The following KCNJ6 variants were observed in gnomAD, a reference collection of about 807,000 sequenced individuals.
KCNJ6 encodes the protein G protein-activated inward rectifier potassium channel 2.
Under a neutral mutation model 34.2 loss-of-function variants are expected in KCNJ6, and 9 were observed. The ratio of observed to expected loss-of-function variants is 0.26; its 90% CI spans 0.16 to 0.46. KCNJ6 has a LOEUF of 0.46. Among genes scored for constraint, KCNJ6 ranks in the 20% least tolerant of loss-of-function variants. KCNJ6 has a pLI of 1.00. For missense variants in KCNJ6, 236 were observed against 531.3 expected (o/e 0.44, Z 5.46); for synonymous variants, 196 against 207.1 (o/e 0.95, Z 0.46).
intron 1 of KCNJ6, among the ~76,000 whole-genome samples, chr21:37,866,071 G>T (rs2055621308): frequency 6.6e-6 from 1 of 152,196 alleles, no homozygotes; most frequent in African/African-American, 2.4e-5. Flanking sequence ...TTTAAATTAA[G>T]GGGAGGTTAT....
chr21:37,906,215 G>A (rs1335186108), intron 1 of KCNJ6, among the ~76,000 whole-genome samples: 1 of 152,218 alleles, frequency 6.6e-6, no homozygotes, highest in Non-Finnish European at 1.5e-5. Flanking sequence ...GTGTGATCAT[G>A]AGTATTTTTT....
At position 37,773,131 on chromosome 21, in the gene KCNJ6, T is replaced by C. The variant is rs188067361; in HGVS notation, c.26-58000A>G. ...GTATACAGTAGGTGCTAAATAACTG[T>C]TTGTGGATGATGATCCTTTTCCACT... On this transcript the variant is annotated intron_variant, in intron 2 of 3. Coordinates refer to ENST00000609713, the MANE Select transcript of KCNJ6 (RefSeq NM_002240.5). 5.9e-5 allele frequency among the ~76,000 whole-genome samples: 9 copies of C among 152,290 alleles called. No homozygotes were observed. The East Asian group carries it at 1.2e-3, about 20-fold the overall frequency.
intron 1 of KCNJ6, among the ~76,000 whole-genome samples, chr21:37,884,968 C>T (rs2055728136): frequency 6.6e-6 from 1 of 152,218 alleles, no homozygotes; most frequent in African/African-American, 2.4e-5. Flanking sequence ...TGGTCTAGAG[C>T]TTCTTGTTCT....
At chr21:37,881,474 AG>A (rs1220875128) in intron 1 of KCNJ6, among the ~76,000 whole-genome samples, 2 of 146,698 alleles carry the variant, frequency 1.4e-5, no homozygotes, top group African/African-American at 4.9e-5. Flanking sequence ...CTGCATGGAG[AG>A]AGAGAGAGAG....
At chr21:37,805,296 GA>G (rs1238999962) in intron 2 of KCNJ6, among the ~76,000 whole-genome samples, 5 of 151,826 alleles carry the variant, frequency 3.3e-5, no homozygotes, top group Admixed American at 2.0e-4. Flanking sequence ...AATTGTATGA[GA>G]AAAATATCAC....
At chr21:37,830,859 C>G (rs1036486267) in intron 2 of KCNJ6, among the ~76,000 whole-genome samples, 1 of 152,170 alleles carries the variant, frequency 6.6e-6, no homozygotes. Context: ...CATGTTTGTA[C>G]CAGTTAAATG....
intron 2 of KCNJ6, among the ~76,000 whole-genome samples, chr21:37,801,142 C>A (rs573936452): frequency 6.6e-6 from 1 of 152,250 alleles, no homozygotes; most frequent in East Asian, 1.9e-4. Context: ...ATTTTTGAAC[C>A]CAACCCTTTG....
rs2054466039 is a variant in KCNJ6 at position 37,656,732 on chromosome 21, T to C, written c.947-31248A>G. Among the ~76,000 whole-genome samples, 2 of 152,166 alleles carry C rather than the reference T, an allele frequency of 1.3e-5. 1 individual carries two copies. Among genetic ancestry groups the C allele is most frequent in the South Asian group, 4.1e-4 (2 of 4,828 alleles). On this transcript the variant is annotated intron_variant, in intron 3 of 3. Transcript: ENST00000609713. Reference sequence around the variant, plus strand: ...GGCTTGCCTTCTGTCAGGGACACTGTCCTCAAAACTTGAGGATGGAAGAGA... The same window carrying C: ...GGCTTGCCTTCTGTCAGGGACACTGCCCTCAAAACTTGAGGATGGAAGAGA...
intron 2 of KCNJ6, among the ~76,000 whole-genome samples, chr21:37,742,489 T>C (rs928216896): frequency 1.5e-5 from 2 of 133,698 alleles, no homozygotes; most frequent in African/African-American, 5.8e-5. Context: ...TGTAGAACAT[T>C]TTAATTAACC....
At position 37,904,297 on chromosome 21, in the gene KCNJ6, A is replaced by G. The variant is rs80018298; in HGVS notation, c.-28+11587T>C. ...CCAAGATAACCACTTTGTACTTCCC[A>G]TGAGAGCTGAATCTCACAAAAGACT... On this transcript the variant is annotated intron_variant, in intron 1 of 3. Coordinates refer to ENST00000609713, the MANE Select transcript of KCNJ6 (RefSeq NM_002240.5). Among the ~76,000 whole-genome samples the G allele has an allele frequency of 7.0e-3, 1,060 of 152,300 alleles. 17 individuals carry two copies. The highest frequency in any genetic ancestry group is 0.024 in the African/African-American group (1,008 of 41,562).
chr21:37,773,704 A>AC (rs2055128604), intron 2 of KCNJ6, among the ~76,000 whole-genome samples: 1 of 152,098 alleles, frequency 6.6e-6, no homozygotes, highest in Non-Finnish European at 1.5e-5. Context: ...CACCAAATGG[A>AC]CCCTCTGCAC....
chr21:37,903,352 C>T (rs1174350886), intron 1 of KCNJ6, among the ~76,000 whole-genome samples: 1 of 152,180 alleles, frequency 6.6e-6, no homozygotes, highest in Non-Finnish European at 1.5e-5. Context: ...GTAAGATGTG[C>T]CTTTGCTCTT....
At chr21:37,861,553 C>T (rs986434048) in intron 1 of KCNJ6, among the ~76,000 whole-genome samples, 2 of 152,152 alleles carry the variant, frequency 1.3e-5, no homozygotes, top group Non-Finnish European at 2.9e-5. Flanking sequence ...TGCAATTTAG[C>T]CCCTAACATC....
chr21:37,742,719 T>C (rs1450660503), intron 2 of KCNJ6, among the ~76,000 whole-genome samples: 1 of 152,168 alleles, frequency 6.6e-6, no homozygotes, highest in Admixed American at 6.5e-5. Context: ...CTTGCCAACA[T>C]CCACTTCATT....
intron 2 of KCNJ6, among the ~76,000 whole-genome samples, chr21:37,818,079 A>C (rs1235530967): frequency 6.6e-6 from 1 of 152,228 alleles, no homozygotes; most frequent in African/African-American, 2.4e-5. Context: ...ATGCTTAAAA[A>C]TACTTTCTCT....
At chr21:37,668,567 T>G (rs1008544) in intron 3 of KCNJ6, among the ~76,000 whole-genome samples, 1 of 151,914 alleles carries the variant, frequency 6.6e-6, no homozygotes, top group Non-Finnish European at 1.5e-5. Context: ...TGCTGAGGTA[T>G]GGGGGGTTAG....
In KCNJ6 at chr21:37,610,105, TA is replaced by T. The variant is rs1455883106; in HGVS notation, c.*15053del. The T allele has an allele frequency of 2.6e-5, 4 of 152,228 alleles. No homozygotes were observed. Among genetic ancestry groups the T allele is most frequent in the Non-Finnish European group, 5.9e-5 (4 of 68,072 alleles). The allele number at this position is 152,228 out of a possible 1,614,324, so 9.4% of individuals were successfully genotyped here. A position where few individuals can be genotyped will look rare whatever the true frequency, so the allele number is the denominator to read the frequency against. Reference sequence around the variant, plus strand: ...CCCTGCTGCCAGCAAGGGAATCAGTTAAATGATGAAAACAGCTGAGACTTAA... The same window carrying T: ...CCCTGCTGCCAGCAAGGGAATCAGTTAATGATGAAAACAGCTGAGACTTAA... On this transcript the variant is annotated 3_prime_UTR_variant, in exon 4 of 4. Transcript: ENST00000609713.
chr21:37,839,092 G>T (rs1365257544), intron 2 of KCNJ6, among the ~76,000 whole-genome samples: 1 of 152,194 alleles, frequency 6.6e-6, no homozygotes, highest in Non-Finnish European at 1.5e-5. Context: ...TGGAGCTAAT[G>T]AAACCTCTTT....
intron 2 of KCNJ6, among the ~76,000 whole-genome samples, chr21:37,776,018 T>C (rs1301567197): frequency 2.0e-5 from 3 of 152,218 alleles, no homozygotes; most frequent in African/African-American, 7.2e-5. Context: ...GTATCGTCTT[T>C]TATTTCATTG....
Sources: gnomAD v4.1 joint callset for allele counts (sites outside exome capture counted in the v4.1 genomes callset) on GRCh38, gnomAD v4.1.1 for gene constraint, MANE v1.5 for transcripts, NCBI Gene and HGNC (gene_info 2026-07-23, HGNC 2026-07-21) for gene names.